The following EMILIN1 variants were observed in gnomAD, a reference collection of about 807,000 sequenced individuals.
The protein encoded by EMILIN1 is elastin microfibril interfacer 1, also known as EMILIN-1.
Under a neutral mutation model 82.4 loss-of-function variants are expected in EMILIN1, and 49 were observed. The ratio of observed to expected loss-of-function variants is 0.59; its 90% CI spans 0.47 to 0.75. EMILIN1 has a LOEUF of 0.75. Among genes scored for constraint, EMILIN1 ranks in the 30% least tolerant of loss-of-function variants. The pLI is 0.00. For synonymous variants in EMILIN1, 604 were observed against 602.2 expected, an observed-to-expected ratio of 1.00 and a Z score of -0.04; for missense variants, 1,313 against 1,366.4, an observed-to-expected ratio of 0.96 and a Z score of 0.62.
rs1278605317 is a variant in EMILIN1 at position 27,086,063 on chromosome 2, G to T, written c.*48G>T. 1 of 1,351,772 alleles carries T rather than the reference G, an allele frequency of 7.4e-7. No homozygotes were observed. The highest frequency in any genetic ancestry group is 1.5e-5 in the African/African-American group (1 of 67,510). The allele number at this position is 1,351,772 out of a possible 1,614,324, so 83.7% of individuals were successfully genotyped here. On this transcript the variant is annotated 3_prime_UTR_variant, in exon 8 of 8. Transcript: ENST00000380320. Reference sequence around the variant, plus strand: ...CTACGTCGGCTGAAGAGACAGCGGGGGCGGCGGGCTCCTGGGGTCTCGCCT... The same window carrying T: ...CTACGTCGGCTGAAGAGACAGCGGGTGCGGCGGGCTCCTGGGGTCTCGCCT...
Position 27,082,821 on chromosome 2 carries a change from C to T in EMILIN1, c.1250C>T (p.Thr417Ile), listed in dbSNP as rs755321231. The T allele has an allele frequency of 7.0e-5, 110 of 1,563,440 alleles. No homozygotes were observed. The highest frequency in any genetic ancestry group is 8.5e-5 in the Non-Finnish European group (99 of 1,162,860). The part of the protein sequence containing the change: ...LSRLEDRFNS[T>I]LGPSEEQEES... Reference sequence around the variant, plus strand: ...CGCCTGGAGGACCGCTTCAACTCCACCCTGGGCCCTTCGGAGGAGCAGGAG... The same window carrying T: ...CGCCTGGAGGACCGCTTCAACTCCATCCTGGGCCCTTCGGAGGAGCAGGAG... The change falls in exon 4 of 8, where the codon ACC (threonine) becomes ATC (isoleucine). Residue 417 changes from threonine to isoleucine, a missense_variant. Physicochemically the swap from Thr to Ile is moderately conservative, Grantham distance 89. Transcript: ENST00000380320.
In EMILIN1 at chr2:27,083,126, C is replaced by A; in HGVS notation, c.1555C>A (p.His519Asn). ...GQLRLVGSGL[H>N]TVEAAGEARQ... is the part of the protein sequence containing the mutation. ...GCTGCGGCTGGTGGGCTCCGGCCTG[C>A]ACACGGTGGAAGCAGCGGGGGAGGC... The change falls in exon 4 of 8, where the codon CAC (histidine) becomes AAC (asparagine). Residue 519 changes from histidine (H) to asparagine (N), a missense_variant. His to Asn is a moderately conservative substitution (Grantham distance 68, BLOSUM62 1). Transcript: ENST00000380320. 4 of 1,582,696 alleles carry A rather than the reference C, an allele frequency of 2.5e-6. No individual in the cohort carries two copies. The highest frequency in any genetic ancestry group is 3.5e-5 in the Admixed American group (2 of 57,544).
intron 5 of EMILIN1, 104 bp from the exon 6 acceptor site, chr2:27,084,887 G>T: frequency 9.1e-7 from 1 of 1,099,534 alleles, no homozygotes; most frequent in South Asian, 1.2e-5. Flanking sequence ...CTGCTTTGAA[G>T]TCCACGTAGC....
Position 27,083,838 on chromosome 2 carries a change from C to G in EMILIN1, c.2267C>G (p.Ala756Gly). The G allele has an allele frequency of 1.2e-6, 2 of 1,600,584 alleles. No individual in the cohort carries two copies. The highest frequency in any genetic ancestry group is 2.2e-5 in the South Asian group (2 of 90,208). ...GLREGLSRHVAGLWAGLRETN... is the reference protein window; with the variant it reads ...GLREGLSRHVGGLWAGLRETN... ...CGCGAGGGCCTTTCCAGACACGTGG[C>G]TGGGCTCTGGGCTGGGCTCCGGGAA... The change falls in exon 4 of 8, where the codon GCT (alanine) becomes GGT (glycine). Residue 756 changes from alanine (A) to glycine (G), a missense_variant. Transcript: ENST00000380320.
chr2:27,085,185 T>G lies in EMILIN1; in HGVS notation c.2601T>G (p.Pro867=). The part of the protein sequence containing the change: ...EQGVEGAPAA[P]VPQVAFSAAL... ...GAGTGGAGGGGGCACCAGCAGCCCC[T>G]GTGCCCCAAGTGGCATTTTCAGCTG... The change falls in exon 7 of 8, where the codon CCT becomes CCG. Residue 867 remains proline, a synonymous_variant. Transcript: ENST00000380320. 1 of 1,614,178 alleles carries G rather than the reference T, an allele frequency of 6.2e-7. No individual in the cohort carries two copies.
chr2:27,083,908 G>A lies in EMILIN1; in HGVS notation c.2337G>A (p.Leu779=). The A allele has an allele frequency of 6.2e-7, 1 of 1,608,290 alleles. No homozygotes were observed. The highest frequency in any genetic ancestry group is 1.1e-5 in the South Asian group (1 of 90,736). ...SQMQAALLEK[L]VGGQAGLGRR... ...TGCAGGCAGCCCTGCTGGAGAAGCT[G>A]GTCGGGGGACAGGCGGGCCTGGGCA... Residue 779 remains leucine (L), a synonymous_variant, in exon 4 of 8, where the codon CTG becomes CTA. Coordinates refer to ENST00000380320, the MANE Select transcript of EMILIN1 (RefSeq NM_007046.4).
At position 27,083,843 on chromosome 2, in the gene EMILIN1, C is replaced by G; in HGVS notation, c.2272C>G (p.Leu758Val). ...GGGCCTTTCCAGACACGTGGCTGGG[C>G]TCTGGGCTGGGCTCCGGGAAACCAA... The part of the protein sequence containing the change: ...REGLSRHVAG[L>V]WAGLRETNTT... Residue 758 changes from leucine (L) to valine (V), a missense_variant, in exon 4 of 8, where the codon CTC (leucine) becomes GTC (valine). Coordinates refer to ENST00000380320, the MANE Select transcript of EMILIN1 (RefSeq NM_007046.4). 1 of 1,602,874 alleles carries G rather than the reference C, an allele frequency of 6.2e-7. No homozygotes were observed. Among genetic ancestry groups the G allele is most frequent in the Non-Finnish European group, 8.5e-7 (1 of 1,171,978 alleles).
In EMILIN1 at chr2:27,083,035, G is replaced by A. The variant is rs1280319549; in HGVS notation, c.1464G>A (p.Glu488=). 6.5e-7 allele frequency: 1 copy of A among 1,548,008 alleles called. No individual in the cohort carries two copies. Among genetic ancestry groups the A allele is most frequent in the East Asian group, 2.3e-5 (1 of 44,306 alleles). Residue 488 remains glutamate, a synonymous_variant, in exon 4 of 8, where the codon GAG becomes GAA. Coordinates refer to ENST00000380320, the MANE Select transcript of EMILIN1 (RefSeq NM_007046.4). ...AGCTCTGCTCTGGGGCCCCTGGGGA[G>A]CAGGACTCTCAAGTCAGCGAGATCC... The part of the protein sequence containing the change: ...CGQLCSGAPG[E]QDSQVSEILS...
chr2:27,085,812 C>T lies in EMILIN1; in HGVS notation c.2848C>T (p.Pro950Ser). 6.2e-7 allele frequency: 1 copy of T among 1,612,348 alleles called. No individual in the cohort carries two copies. The highest frequency in any genetic ancestry group is 8.5e-7 in the Non-Finnish European group (1 of 1,179,680). Residue 950 changes from proline to serine, a missense_variant, in exon 8 of 8, where the codon CCT (proline) becomes TCT (serine). Coordinates refer to ENST00000380320, the MANE Select transcript of EMILIN1 (RefSeq NM_007046.4). Reference protein sequence around the residue: ...VARVDSGGYEPEGLENKPVAE... With the variant: ...VARVDSGGYESEGLENKPVAE... ...CCGCGTAGACTCCGGTGGCTACGAG[C>T]CTGAGGGCCTGGAGAATAAGCCGGT...
intron 1 of EMILIN1, among the ~76,000 whole-genome samples, chr2:27,079,512 T>C (rs1669439073): frequency 6.6e-6 from 1 of 152,174 alleles, no homozygotes; most frequent in Admixed American, 6.5e-5. Context: ...AGCTGCCCTC[T>C]GTATCCTAGC....
chr2:27,080,997 A>G, intron 3 of EMILIN1, 45 bp downstream of exon 3: 1 of 1,394,486 alleles, frequency 7.2e-7, no homozygotes, highest in Non-Finnish European at 9.8e-7. Flanking sequence ...CCAAATGGTG[A>G]TCCAATGCAA....
Position 27,083,891 on chromosome 2 carries a change from G to A in EMILIN1, c.2320G>A (p.Ala774Thr), listed in dbSNP as rs749285157. The change falls in exon 4 of 8, where the codon GCC becomes ACC. Residue 774 changes from alanine to threonine, a missense_variant. Ala to Thr is a moderately conservative substitution (Grantham distance 58, BLOSUM62 0). Coordinates refer to ENST00000380320, the MANE Select transcript of EMILIN1 (RefSeq NM_007046.4). Reference protein sequence around the residue: ...ETNTTSQMQAALLEKLVGGQA... With the variant: ...ETNTTSQMQATLLEKLVGGQA... ...CAACACCACCAGCCAGATGCAGGCA[G>A]CCCTGCTGGAGAAGCTGGTCGGGGG... 3.1e-6 allele frequency: 5 copies of A among 1,609,174 alleles called. No individual in the cohort carries two copies. In the Admixed American group the frequency reaches 5.0e-5, roughly 16 times the overall value.
rs1451733080 is a variant in EMILIN1, at chr2:27,085,901, C to G, written c.2937C>G (p.Ala979=). The change falls in exon 8 of 8, where the codon GCC becomes GCG. Residue 979 remains alanine (A), a synonymous_variant. Coordinates refer to ENST00000380320, the MANE Select transcript of EMILIN1 (RefSeq NM_007046.4). ...TCAGCCTCATCCTGCCGCTGCAGGCCGGGGACACGGTCTGCGTCGACCTGG... is the reference window on the plus strand; with the variant it reads ...TCAGCCTCATCCTGCCGCTGCAGGCGGGGGACACGGTCTGCGTCGACCTGG... ...GVFSLILPLQ[A]GDTVCVDLVM... 2 of 1,567,286 alleles carry G rather than the reference C, an allele frequency of 1.3e-6. No homozygotes were observed. Among genetic ancestry groups the G allele is most frequent in the Admixed American group, 3.7e-5 (2 of 54,160 alleles).
Position 27,080,239 on chromosome 2 carries a change from T to TG in EMILIN1, c.263dup (p.Gln89ProfsTer40). ...ATATGTCAAGTACCAGCCTTGTGCC[T>TG]GGGGCCAGCCCCAGTGTCCCCAAAG... On this transcript the variant is annotated frameshift_variant, in exon 2 of 8. Transcript: ENST00000380320. LOFTEE classifies it high-confidence loss of function. 6.2e-7 allele frequency: 1 copy of TG among 1,614,108 alleles called. No individual in the cohort carries two copies. Among genetic ancestry groups the TG allele is most frequent in the Non-Finnish European group, 8.5e-7 (1 of 1,179,942 alleles).
chr2:27,086,141 C>A lies in EMILIN1; in HGVS notation c.*126C>A. On this transcript the variant is annotated 3_prime_UTR_variant, in exon 8 of 8. Transcript: ENST00000380320. ...CGCCGCACCCGGGCCCGCAGCGGCACCGCGCCCAGAGCGGCCTCTCCCCAC... is the reference window on the plus strand; with the variant it reads ...CGCCGCACCCGGGCCCGCAGCGGCAACGCGCCCAGAGCGGCCTCTCCCCAC... 2.9e-6 allele frequency: 2 copies of A among 698,492 alleles called. No individual in the cohort carries two copies. The highest frequency in any genetic ancestry group is 4.1e-6 in the Non-Finnish European group (2 of 490,890). The allele number at this position is 698,492 out of a possible 1,614,324, so 43.3% of individuals were successfully genotyped here.
At position 27,080,095 on chromosome 2, in the gene EMILIN1, C is replaced by G. The variant is rs578178680; in HGVS notation, c.171-56C>G. The stretch of plus-strand genomic sequence containing the variant: ...TCAGCCCCTCTGGTAGCCCCTGGGC[C>G]CTCCTCCAGGGCATGTATCTTTGGT... On this transcript the variant is annotated intron_variant, in intron 1 of 7. Coordinates refer to ENST00000380320, the MANE Select transcript of EMILIN1 (RefSeq NM_007046.4). 2.9e-5 allele frequency: 46 copies of G among 1,602,302 alleles called. 1 individual carries two copies. The South Asian group carries it at 4.8e-4, about 17-fold the overall frequency.
intron 3 of EMILIN1, 128 bp from the exon 4 acceptor site, chr2:27,081,955 C>A: frequency 8.3e-7 from 1 of 1,197,800 alleles, no homozygotes; most frequent in Non-Finnish European, 1.1e-6. Flanking sequence ...TTTTTTTTCT[C>A]TTGCCAAAAT....
Position 27,085,822 on chromosome 2 carries a change from T to G in EMILIN1, c.2858T>G (p.Leu953Arg). The G allele has an allele frequency of 1.9e-6, 3 of 1,611,858 alleles. No homozygotes were observed. The highest frequency in any genetic ancestry group is 2.5e-6 in the Non-Finnish European group (3 of 1,179,420). The change falls in exon 8 of 8, where the codon CTG becomes CGG. Residue 953 changes from leucine (L) to arginine (R), a missense_variant. Transcript: ENST00000380320. ...TCCGGTGGCTACGAGCCTGAGGGCCTGGAGAATAAGCCGGTGGCCGAGAGC... is the reference window on the plus strand; with the variant it reads ...TCCGGTGGCTACGAGCCTGAGGGCCGGGAGAATAAGCCGGTGGCCGAGAGC... ...VDSGGYEPEG[L>R]ENKPVAESQP...
At position 27,083,797 on chromosome 2, in the gene EMILIN1, G is replaced by C. The variant is rs1304163418; in HGVS notation, c.2226G>C (p.Gly742=). 2 of 1,603,304 alleles carry C rather than the reference G, an allele frequency of 1.2e-6. No homozygotes were observed. Among genetic ancestry groups the C allele is most frequent in the Admixed American group, 1.7e-5 (1 of 59,724 alleles). Residue 742 remains glycine, a synonymous_variant, in exon 4 of 8, where the codon GGG becomes GGC. Coordinates refer to ENST00000380320, the MANE Select transcript of EMILIN1 (RefSeq NM_007046.4). ...GTGAACGGTTGGACACTGTGGCTGG[G>C]GGACTGCAGGGCCTGCGCGAGGGCC... ...GVCERLDTVA[G]GLQGLREGLS...
Sources: gnomAD v4.1 joint callset for allele counts (sites outside exome capture counted in the v4.1 genomes callset) on GRCh38, gnomAD v4.1.1 for gene constraint, MANE v1.5 for transcripts, NCBI Gene and HGNC (gene_info 2026-07-23, HGNC 2026-07-21) for gene names.